Variants in MARCHF1 observed in about 807,000 individuals in gnomAD.
MARCHF1 encodes the protein E3 ubiquitin-protein ligase MARCHF1.
A neutral mutation model predicts 54.2 loss-of-function variants in MARCHF1; 40 were observed. The observed-to-expected ratio is 0.74, with a 90% CI of 0.57 to 0.96. The LOEUF (loss-of-function observed/expected upper bound fraction) is 0.96. MARCHF1 is among the 40% of genes least tolerant of loss of function. MARCHF1 has a pLI of 0.00. For synonymous variants in MARCHF1, 236 were observed against 236.3 expected (o/e 1.00, Z 0.01); for missense variants, 586 against 656.5 (o/e 0.89, Z 1.17).
intron 1 of MARCHF1, among the ~76,000 whole-genome samples, chr4:164,157,814 A>G (rs1388134855): frequency 2.0e-5 from 3 of 152,130 alleles, no homozygotes; most frequent in African/African-American, 4.8e-5. Context: ...CAAAGTTCCA[A>G]ATAGGGACAC....
intron 1 of MARCHF1, among the ~76,000 whole-genome samples, chr4:164,264,773 A>C (rs1452965869): frequency 6.6e-6 from 1 of 152,054 alleles, no homozygotes; most frequent in African/African-American, 2.4e-5. Context: ...TACAAAAATT[A>C]GCTGGATGTG....
chr4:163,982,686 G>A (rs943081190), intron 3 of MARCHF1, among the ~76,000 whole-genome samples: 6 of 152,156 alleles, frequency 3.9e-5, no homozygotes, highest in Admixed American at 3.3e-4. Flanking sequence ...ATTACCCAGA[G>A]TCTATTTTTT....
intron 1 of MARCHF1, among the ~76,000 whole-genome samples, chr4:164,302,904 G>A (rs72691866): frequency 0.013 from 1,855 of 147,306 alleles, 25 homozygotes; most frequent in Non-Finnish European, 0.02. Context: ...ATTCTATTTC[G>A]CATGCTATTA....
At chr4:164,107,303 T>C (rs368346789) in intron 2 of MARCHF1, among the ~76,000 whole-genome samples, 1 of 152,162 alleles carries the variant, frequency 6.6e-6, no homozygotes, top group East Asian at 1.9e-4. Flanking sequence ...CATATAATGA[T>C]ATATTGAGAA....
At chr4:164,268,129 C>A (rs1328655201) in intron 1 of MARCHF1, among the ~76,000 whole-genome samples, 5 of 152,076 alleles carry the variant, frequency 3.3e-5, no homozygotes, top group African/African-American at 1.2e-4. Context: ...GTAGCATATT[C>A]AAATTTGAAA....
At chr4:164,146,827 T>C (rs1025414832) in intron 1 of MARCHF1, among the ~76,000 whole-genome samples, 1 of 151,592 alleles carries the variant, frequency 6.6e-6, no homozygotes, top group African/African-American at 2.4e-5. Context: ...ACAAATGGGA[T>C]CTAATTAAAC....
At position 163,828,052 on chromosome 4, in the gene MARCHF1, C is replaced by CAG. The variant is rs1234200500; in HGVS notation, c.111+25968_111+25969insCT. Among the ~76,000 whole-genome samples, 434 of 108,520 alleles carry CAG rather than the reference C, an allele frequency of 4.0e-3. 8 individuals are homozygous for CAG. The highest frequency in any genetic ancestry group is 0.011 in the African/African-American group (338 of 30,806). The allele number at this position is 108,520 out of a possible 152,430, so 71.2% of individuals were successfully genotyped here. On this transcript the variant is annotated intron_variant, in intron 4 of 9. Transcript: ENST00000514618. ...ACACACACACACACACACACACACA[C>CAG]ACAGACACACCTTGTCATTCTCCTC... is the stretch of plus-strand genomic sequence containing the variant.
chr4:164,041,293 T>A (rs1457804830), intron 2 of MARCHF1, among the ~76,000 whole-genome samples: 1 of 152,138 alleles, frequency 6.6e-6, no homozygotes, highest in Admixed American at 6.6e-5. Context: ...ACCCTACCAA[T>A]ATCTATCAGA....
intron 1 of MARCHF1, among the ~76,000 whole-genome samples, chr4:164,231,781 C>A (rs915381095): frequency 6.6e-6 from 1 of 152,052 alleles, no homozygotes; most frequent in South Asian, 2.1e-4. Context: ...TTCCCTGAAC[C>A]TCTACTATCA....
intron 5 of MARCHF1, among the ~76,000 whole-genome samples, chr4:163,663,767 A>C (rs933776270): frequency 6.6e-6 from 1 of 152,110 alleles, no homozygotes; most frequent in Non-Finnish European, 1.5e-5. Context: ...CTATAAGCTC[A>C]TGCTAATATC....
chr4:163,999,671 G>A (rs1438053393), intron 2 of MARCHF1, among the ~76,000 whole-genome samples: 1 of 151,450 alleles, frequency 6.6e-6, no homozygotes, highest in Non-Finnish European at 1.5e-5. Flanking sequence ...TTGTATTGAA[G>A]AAAATAATAA....
chr4:164,126,259 A>C (rs980334431), intron 1 of MARCHF1, among the ~76,000 whole-genome samples: 4 of 152,164 alleles, frequency 2.6e-5, no homozygotes, highest in Admixed American at 2.0e-4. Flanking sequence ...TAATGATGTT[A>C]TAAAATAGAC....
chr4:163,582,884 A>G (rs60404387), intron 8 of MARCHF1, among the ~76,000 whole-genome samples: 2,845 of 152,262 alleles, frequency 0.019, 77 homozygotes, highest in African/African-American at 0.063. Context: ...ACTCAGGTTG[A>G]TGACTGAGAA....
intron 1 of MARCHF1, among the ~76,000 whole-genome samples, chr4:164,132,929 A>G (rs973254679): frequency 6.6e-6 from 1 of 152,142 alleles, no homozygotes; most frequent in Non-Finnish European, 1.5e-5. Flanking sequence ...TCACTGTGTC[A>G]TAAATTTATC....
intron 3 of MARCHF1, among the ~76,000 whole-genome samples, chr4:163,968,858 T>C (rs1026726528): frequency 2.0e-5 from 3 of 152,084 alleles, no homozygotes; most frequent in African/African-American, 7.2e-5. Flanking sequence ...GGCTCAGAAA[T>C]TGTTTATCCA....
intron 5 of MARCHF1, among the ~76,000 whole-genome samples, chr4:163,679,991 T>C (rs1025667540): frequency 1.7e-4 from 25 of 151,422 alleles, no homozygotes; most frequent in African/African-American, 4.8e-4. Context: ...TTTTTTTTTT[T>C]TTTTCTTTTC....
chr4:163,698,372 G>C (rs1261525938), intron 5 of MARCHF1, among the ~76,000 whole-genome samples: 2 of 152,178 alleles, frequency 1.3e-5, no homozygotes, highest in Non-Finnish European at 2.9e-5. Flanking sequence ...AGAAAAAGTA[G>C]TGAGGACTCA....
At chr4:163,921,508 A>C (rs1272143267) in intron 3 of MARCHF1, among the ~76,000 whole-genome samples, 2 of 152,202 alleles carry the variant, frequency 1.3e-5, no homozygotes, top group African/African-American at 4.8e-5. Context: ...AAACAATTTG[A>C]CTACTACTAT....
At chr4:163,930,918 A>C (rs1751658496) in intron 3 of MARCHF1, among the ~76,000 whole-genome samples, 1 of 152,082 alleles carries the variant, frequency 6.6e-6, no homozygotes, top group African/African-American at 2.4e-5. Flanking sequence ...GAATGCTGTG[A>C]ATTAAATTGT....
Sources: allele counts gnomAD v4.1 joint callset (sites outside exome capture counted in the v4.1 genomes callset), GRCh38; gene constraint gnomAD v4.1.1; transcripts MANE v1.5; gene names NCBI Gene and HGNC (gene_info 2026-07-23, HGNC 2026-07-21).